The following PTPRG variants were observed in gnomAD, a reference collection of about 807,000 sequenced individuals.
The protein encoded by PTPRG is receptor-type tyrosine-protein phosphatase gamma.
PTPRG carries 102 observed loss-of-function variants against 165.3 expected under a neutral mutation model. The ratio of observed to expected loss-of-function variants is 0.62; its 90% CI spans 0.53 to 0.73. PTPRG has a LOEUF of 0.73. PTPRG is among the 30% of genes least tolerant of loss of function. The pLI is 0.00. For missense variants in PTPRG, 1,866 were observed against 1,861.4 expected (o/e 1.00, Z -0.05); for synonymous variants, 675 against 669.5 (o/e 1.01, Z -0.13).
intron 2 of PTPRG, among the ~76,000 whole-genome samples, chr3:61,944,789 C>G (rs77390973): frequency 6.6e-6 from 1 of 152,170 alleles, no homozygotes. Context: ...ATTACTGTTA[C>G]GCTGTAGCAT....
intron 2 of PTPRG, among the ~76,000 whole-genome samples, chr3:61,855,519 CT>C (rs2037076972): frequency 6.6e-6 from 1 of 151,932 alleles, no homozygotes; most frequent in Non-Finnish European, 1.5e-5. Context: ...ATATTTTGGT[CT>C]TCCATGTAAA....
At chr3:61,966,469 C>T (rs2040274804) in intron 2 of PTPRG, among the ~76,000 whole-genome samples, 1 of 152,012 alleles carries the variant, frequency 6.6e-6, no homozygotes, top group African/African-American at 2.4e-5. Flanking sequence ...GTGAACCATA[C>T]CATTGTTTTA....
intron 6 of PTPRG, among the ~76,000 whole-genome samples, chr3:62,155,390 A>AG (rs1301610315): frequency 6.6e-6 from 1 of 152,210 alleles, no homozygotes; most frequent in African/African-American, 2.4e-5. Flanking sequence ...TTGTGAACTA[A>AG]GAGAGCATAG....
chr3:61,571,495 C>T (rs1269258593), intron 1 of PTPRG, among the ~76,000 whole-genome samples: 1 of 152,110 alleles, frequency 6.6e-6, no homozygotes, highest in Non-Finnish European at 1.5e-5. Context: ...CCTGTACTTG[C>T]TACAATTAAA....
chr3:61,992,035 G>A (rs577466542), intron 3 of PTPRG, among the ~76,000 whole-genome samples: 116 of 152,236 alleles, frequency 7.6e-4, no homozygotes, highest in African/African-American at 2.4e-3. Flanking sequence ...ATCCAAATAC[G>A]AAGCCATCAG....
chr3:62,021,155 G>C (rs2041680554), intron 4 of PTPRG, among the ~76,000 whole-genome samples: 2 of 152,186 alleles, frequency 1.3e-5, no homozygotes, highest in South Asian at 4.1e-4. Context: ...GAATTAAACT[G>C]TAATACTTAG....
chr3:62,128,298 A>C (rs1182279112), intron 5 of PTPRG, among the ~76,000 whole-genome samples: 1 of 152,176 alleles, frequency 6.6e-6, no homozygotes, highest in South Asian at 2.1e-4. Flanking sequence ...GTATTACTGC[A>C]TAACTCCTTT....
chr3:61,866,825 T>C (rs1287751840), intron 2 of PTPRG, among the ~76,000 whole-genome samples: 1 of 152,074 alleles, frequency 6.6e-6, no homozygotes, highest in Non-Finnish European at 1.5e-5. Flanking sequence ...TCTCGATCTC[T>C]TGAACTCGTG....
chr3:61,592,339 C>T (rs190644156), intron 1 of PTPRG, among the ~76,000 whole-genome samples: 9 of 152,178 alleles, frequency 5.9e-5, no homozygotes, highest in East Asian at 3.9e-4. Context: ...AAGGATAAGA[C>T]GTGTTCCCGC....
chr3:62,129,304 A>T (rs1576038996), intron 5 of PTPRG, among the ~76,000 whole-genome samples: 1 of 152,340 alleles, frequency 6.6e-6, no homozygotes, highest in East Asian at 1.9e-4. Context: ...GTCATGGAAG[A>T]TTAGAAACAC....
rs966144160 is a variant in PTPRG, at chr3:62,210,195, C to T, written c.2155+6245C>T. 2.6e-5 allele frequency among the ~76,000 whole-genome samples: 4 copies of T among 152,168 alleles called. No homozygotes were observed. The highest frequency in any genetic ancestry group is 1.9e-4 in the East Asian group (1 of 5,186). On this transcript the variant is annotated intron_variant, in intron 12 of 29. Transcript: ENST00000474889. The surrounding 1 kb of genome is among the most constrained non-coding windows in gnomAD (Gnocchi z 4.1). ...CTCTTGGCAGTGATATAAATGGAAA[C>T]GAATGATGCTCTAATCCTGCCCACA...
intron 2 of PTPRG, among the ~76,000 whole-genome samples, chr3:61,910,880 T>A (rs762398868): frequency 6.6e-5 from 10 of 152,196 alleles, no homozygotes; most frequent in Non-Finnish European, 1.3e-4. Context: ...CCTGAATCTT[T>A]GCCAGGTCTC....
At chr3:62,268,123 T>G (rs1188624436) in intron 19 of PTPRG, among the ~76,000 whole-genome samples, 1 of 151,916 alleles carries the variant, frequency 6.6e-6, no homozygotes. Context: ...TGAACAATGA[T>G]TACGAGGAAT....
intron 1 of PTPRG, among the ~76,000 whole-genome samples, chr3:61,669,098 T>C (rs1380462232): frequency 6.6e-6 from 1 of 152,198 alleles, no homozygotes. Flanking sequence ...TCTAGGGCCT[T>C]GAGTGAAGGA....
At chr3:62,138,414 G>C (rs1703796772) in intron 6 of PTPRG, among the ~76,000 whole-genome samples, 1 of 152,032 alleles carries the variant, frequency 6.6e-6, no homozygotes, top group South Asian at 2.1e-4. Context: ...TACCTAACTG[G>C]TCCATGTTAA....
intron 8 of PTPRG, among the ~76,000 whole-genome samples, chr3:62,183,671 A>G (rs560828677): frequency 2.0e-5 from 3 of 152,050 alleles, no homozygotes; most frequent in Admixed American, 6.5e-5. Flanking sequence ...TTGAAGGACC[A>G]TGAGCTCCCT....
intron 1 of PTPRG, among the ~76,000 whole-genome samples, chr3:61,699,122 TAACA>T (rs1451938538): frequency 1.3e-5 from 2 of 152,092 alleles, no homozygotes; most frequent in African/African-American, 4.8e-5. Context: ...TATACATATG[TAACA>T]AACCTGCATG....
At chr3:61,841,127 C>G (rs2036619974) in intron 2 of PTPRG, among the ~76,000 whole-genome samples, 1 of 152,120 alleles carries the variant, frequency 6.6e-6, no homozygotes, top group African/African-American at 2.4e-5. Flanking sequence ...CACTGATTAT[C>G]TTACCAACTT....
At position 61,571,257 on chromosome 3, in the gene PTPRG, C is replaced by T. The variant is rs576654516; in HGVS notation, c.85+8885C>T. On this transcript the variant is annotated intron_variant, in intron 1 of 29. Transcript: ENST00000474889. ...GTCCAAGGTCACCGGGGTAGCAAGG[C>T]GCGGGGAGCGGTGGGGGGCGGTGAC... Among the ~76,000 whole-genome samples the T allele has an allele frequency of 2.1e-3, 323 of 152,200 alleles. 2 individuals carry two copies. The highest frequency in any genetic ancestry group is 6.1e-3 in the African/African-American group (254 of 41,524).
Sources: allele counts gnomAD v4.1 joint callset (sites outside exome capture counted in the v4.1 genomes callset), GRCh38; gene constraint gnomAD v4.1.1; non-coding constraint Gnocchi (gnomAD v3.1); transcripts MANE v1.5; gene names NCBI Gene and HGNC (gene_info 2026-07-23, HGNC 2026-07-21).